The following EXOC4 variants were observed in gnomAD, a reference collection of about 807,000 sequenced individuals.
EXOC4 encodes SEC8-like 1.
A neutral mutation model predicts 107.2 loss-of-function variants in EXOC4; 71 were observed. That is an observed-to-expected ratio of 0.66 (90% CI 0.55 to 0.81). EXOC4 has a LOEUF of 0.81. EXOC4 is among the 30% of genes least tolerant of loss of function. The probability of loss-of-function intolerance (pLI) is 0.00; values close to 1 mark genes in which losing one functional copy is unlikely to be tolerated. For synonymous variants in EXOC4, 456 were observed against 441.2 expected, an observed-to-expected ratio of 1.03 and a Z score of -0.42; for missense variants, 1,108 against 1,189.6, an observed-to-expected ratio of 0.93 and a Z score of 1.01.
At chr7:133,384,868 A>G (rs748764607) in intron 7 of EXOC4, among the ~76,000 whole-genome samples, 5 of 151,750 alleles carry the variant, frequency 3.3e-5, no homozygotes, top group African/African-American at 4.8e-5. Flanking sequence ...TAAGACATCA[A>G]CCATTTTATT....
chr7:133,782,297 TA>T (rs1382551980), intron 10 of EXOC4, among the ~76,000 whole-genome samples: 1 of 152,230 alleles, frequency 6.6e-6, no homozygotes, highest in Non-Finnish European at 1.5e-5. Context: ...CCAAAGTAGC[TA>T]GATACTTGGG....
intron 1 of EXOC4, among the ~76,000 whole-genome samples, chr7:133,258,327 TTGA>T (rs1272814069): frequency 6.6e-6 from 1 of 152,194 alleles, no homozygotes; most frequent in Non-Finnish European, 1.5e-5. Flanking sequence ...GCCTGTAGTA[TTGA>T]TGGTGGTGGT....
At chr7:133,799,476 A>G (rs1381058603) in intron 10 of EXOC4, among the ~76,000 whole-genome samples, 1 of 152,232 alleles carries the variant, frequency 6.6e-6, no homozygotes, top group Non-Finnish European at 1.5e-5. Context: ...GATTTCATGT[A>G]TATTAAATAT....
chr7:133,471,686 C>T (rs545372296), intron 7 of EXOC4, among the ~76,000 whole-genome samples: 1 of 152,242 alleles, frequency 6.6e-6, no homozygotes, highest in South Asian at 2.1e-4. Flanking sequence ...CATATAACAA[C>T]ATATTCATTA....
intron 13 of EXOC4, among the ~76,000 whole-genome samples, chr7:133,926,042 CAAAAAAAAAA>C (rs552126104): frequency 9.6e-6 from 1 of 104,712 alleles, no homozygotes; most frequent in East Asian, 2.9e-4. Flanking sequence ...GACTCCGTCT[CAAAAAAAAAA>C]AAAAAAAAAG....
At chr7:133,400,456 A>T (rs894264316) in intron 7 of EXOC4, among the ~76,000 whole-genome samples, 1 of 152,226 alleles carries the variant, frequency 6.6e-6, no homozygotes, top group Admixed American at 6.5e-5. Context: ...CCTAGTATCT[A>T]TAGTGACCAG....
intron 17 of EXOC4, among the ~76,000 whole-genome samples, chr7:134,036,648 C>G (rs905723772): frequency 6.6e-6 from 1 of 152,180 alleles, no homozygotes; most frequent in African/African-American, 2.4e-5. Context: ...TTGGATTAAA[C>G]AGCTTTATAT....
intron 10 of EXOC4, among the ~76,000 whole-genome samples, chr7:133,724,597 T>G (rs188910348): frequency 6.6e-6 from 1 of 152,330 alleles, no homozygotes; most frequent in African/African-American, 2.4e-5. Context: ...ATATTAATAA[T>G]ATCATATCTA....
the EXOC4 span, among the ~76,000 whole-genome samples, chr7:134,084,184 C>T: frequency 2.0e-5 from 3 of 152,192 alleles, no homozygotes; most frequent in Non-Finnish European, 4.4e-5. Flanking sequence ...TCAGTTATCA[C>T]ACTGGTCACC....
rs989176140 is a variant in EXOC4 at position 133,909,977 on chromosome 7, G to A, written c.1872-7606G>A. Among the ~76,000 whole-genome samples the A allele has an allele frequency of 1.3e-4, 16 of 124,972 alleles. No individual in the cohort carries two copies. The East Asian group carries it at 3.8e-3, about 30-fold the overall frequency. The allele number at this position is 124,972 out of a possible 152,430, so 82.0% of individuals were successfully genotyped here. ...TTGCTCTTGTTGCCCAGGCTGGAATGCAATGGCGTGACCTTGGCTCTCTGC... is the reference window on the plus strand; with the variant it reads ...TTGCTCTTGTTGCCCAGGCTGGAATACAATGGCGTGACCTTGGCTCTCTGC... On this transcript the variant is annotated intron_variant, in intron 12 of 17. Transcript: ENST00000253861.
intron 13 of EXOC4, among the ~76,000 whole-genome samples, chr7:133,923,871 GA>G (rs1799993365): frequency 6.6e-6 from 1 of 152,114 alleles, no homozygotes. Context: ...TTATTGTGCT[GA>G]ATATATTTTC....
chr7:133,439,810 C>T (rs944850022), intron 7 of EXOC4, among the ~76,000 whole-genome samples: 1 of 152,088 alleles, frequency 6.6e-6, no homozygotes, highest in African/African-American at 2.4e-5. Context: ...TGACCCTTCC[C>T]ATGTTTTCCC....
chr7:133,344,471 T>C (rs1290297434), intron 5 of EXOC4, among the ~76,000 whole-genome samples: 1 of 152,190 alleles, frequency 6.6e-6, no homozygotes, highest in Non-Finnish European at 1.5e-5. Flanking sequence ...TCTGTCACTA[T>C]AGCAAAGTCC....
intron 14 of EXOC4, among the ~76,000 whole-genome samples, chr7:133,957,492 T>C (rs1327960410): frequency 6.6e-6 from 1 of 152,232 alleles, no homozygotes; most frequent in Non-Finnish European, 1.5e-5. Flanking sequence ...AGGATTTTCC[T>C]GATAGAGTCT....
chr7:133,742,408 G>A (rs1019437103), intron 10 of EXOC4, among the ~76,000 whole-genome samples: 2 of 152,046 alleles, frequency 1.3e-5, no homozygotes, highest in African/African-American at 4.8e-5. Flanking sequence ...GGTCTTCTTG[G>A]CTCCTAGAGA....
chr7:133,860,488 G>T (rs1798510343), intron 11 of EXOC4, among the ~76,000 whole-genome samples: 1 of 152,202 alleles, frequency 6.6e-6, no homozygotes, highest in African/African-American at 2.4e-5. Context: ...AGATGGCAGT[G>T]TGTGAAAGTG....
At chr7:133,554,777 A>G (rs1800660759) in intron 9 of EXOC4, among the ~76,000 whole-genome samples, 1 of 152,176 alleles carries the variant, frequency 6.6e-6, no homozygotes, top group African/African-American at 2.4e-5. Flanking sequence ...GCATTTATAC[A>G]TTTATGTCTC....
chr7:133,913,865 G>A (rs1799748809), intron 12 of EXOC4, among the ~76,000 whole-genome samples: 2 of 152,292 alleles, frequency 1.3e-5, no homozygotes, highest in South Asian at 4.1e-4. Flanking sequence ...GCAGAATTCT[G>A]TGGAACACAG....
intron 11 of EXOC4, among the ~76,000 whole-genome samples, chr7:133,887,101 TC>T (rs1799101291): frequency 6.6e-6 from 1 of 152,176 alleles, no homozygotes; most frequent in Non-Finnish European, 1.5e-5. Context: ...TGCTGGTACT[TC>T]CTGTTCATCC....
Sources: gnomAD v4.1 joint callset for allele counts (sites outside exome capture counted in the v4.1 genomes callset) on GRCh38, gnomAD v4.1.1 for gene constraint, MANE v1.5 for transcripts, NCBI Gene and HGNC (gene_info 2026-07-23, HGNC 2026-07-21) for gene names.